Variants in MACROD2 observed in about 807,000 individuals in gnomAD.
MACROD2 encodes mono-ADP ribosylhydrolase 2.
In MACROD2, 36 loss-of-function variants were observed where a neutral mutation model predicts 70.4. The ratio of observed to expected loss-of-function variants is 0.51; its 90% CI spans 0.39 to 0.68. The LOEUF is 0.68. MACROD2 is among the 30% of genes least tolerant of loss of function. The pLI, the probability that MACROD2 is intolerant of heterozygous loss-of-function variation, is 0.00. For missense variants in MACROD2, 496 were observed against 538.4 expected (o/e 0.92, Z 0.78); for synonymous variants, 172 against 178.8 (o/e 0.96, Z 0.30).
intron 5 of MACROD2, among the ~76,000 whole-genome samples, chr20:15,185,514 C>A (rs1705877968): frequency 6.6e-6 from 1 of 152,076 alleles, no homozygotes; most frequent in South Asian, 2.1e-4. Context: ...AGTTTCAAGG[C>A]AATTATGTCA....
At chr20:14,114,236 T>C (rs2054488349) in intron 3 of MACROD2, among the ~76,000 whole-genome samples, 1 of 152,174 alleles carries the variant, frequency 6.6e-6, no homozygotes. Flanking sequence ...GCTCACATTC[T>C]GACTCTGTTT....
chr20:14,462,915 C>G (rs968181647), intron 3 of MACROD2, among the ~76,000 whole-genome samples: 1 of 151,988 alleles, frequency 6.6e-6, no homozygotes, highest in African/African-American at 2.4e-5. Context: ...GGTACCAGTA[C>G]CATGCTGTTT....
intron 6 of MACROD2, among the ~76,000 whole-genome samples, chr20:15,348,083 T>C (rs1433972108): frequency 6.6e-6 from 1 of 152,190 alleles, no homozygotes; most frequent in Non-Finnish European, 1.5e-5. Context: ...TATGTGATAG[T>C]GTTCTGGCCA....
At chr20:15,374,061 T>C (rs1354056590) in intron 6 of MACROD2, among the ~76,000 whole-genome samples, 1 of 152,148 alleles carries the variant, frequency 6.6e-6, no homozygotes, top group African/African-American at 2.4e-5. Context: ...TCAGTCATTG[T>C]TGCCTTTATC....
intron 8 of MACROD2, among the ~76,000 whole-genome samples, chr20:15,792,292 A>T (rs2063631280): frequency 6.6e-6 from 1 of 152,152 alleles, no homozygotes; most frequent in Non-Finnish European, 1.5e-5. Flanking sequence ...AATTTATTTA[A>T]AATTTTGGAA....
chr20:14,553,697 T>G (rs970498019), intron 4 of MACROD2, among the ~76,000 whole-genome samples: 8 of 152,134 alleles, frequency 5.3e-5, no homozygotes, highest in Non-Finnish European at 1.2e-4. Context: ...AGTCCATCAA[T>G]GATCAAAATG....
At chr20:14,981,022 G>A (rs1007483974) in intron 5 of MACROD2, among the ~76,000 whole-genome samples, 2 of 93,460 alleles carry the variant, frequency 2.1e-5, no homozygotes, top group Non-Finnish European at 3.9e-5. Context: ...ACAAAAAGAA[G>A]TGTGTGTGTG....
At chr20:15,379,378 T>G (rs1398811419) in intron 6 of MACROD2, among the ~76,000 whole-genome samples, 1 of 152,166 alleles carries the variant, frequency 6.6e-6, no homozygotes, top group African/African-American at 2.4e-5. Flanking sequence ...TCACATAGTT[T>G]GACCTAATAT....
chr20:15,758,117 A>G (rs543044577), intron 8 of MACROD2, among the ~76,000 whole-genome samples: 415 of 152,082 alleles, frequency 2.7e-3, no homozygotes, highest in Non-Finnish European at 4.5e-3. Flanking sequence ...TTGTAAGCAA[A>G]TAATTGTTGG....
intron 5 of MACROD2, among the ~76,000 whole-genome samples, chr20:14,811,735 A>G (rs947266061): frequency 3.3e-5 from 5 of 151,376 alleles, no homozygotes; most frequent in Admixed American, 1.3e-4. Flanking sequence ...AATTTACAAG[A>G]AAAAAAACAA....
At chr20:14,230,304 C>CA (rs1450810161) in intron 3 of MACROD2, among the ~76,000 whole-genome samples, 3 of 152,126 alleles carry the variant, frequency 2.0e-5, no homozygotes, top group African/African-American at 7.2e-5. Flanking sequence ...TCAGTCCTCT[C>CA]AAACAGTACC....
At chr20:14,273,309 G>T (rs1359702297) in intron 3 of MACROD2, among the ~76,000 whole-genome samples, 1 of 151,888 alleles carries the variant, frequency 6.6e-6, no homozygotes, top group African/African-American at 2.4e-5. Flanking sequence ...AGACCACAGT[G>T]CAATCAAACT....
chr20:15,310,087 C>A (rs2077736206), intron 6 of MACROD2, among the ~76,000 whole-genome samples: 1 of 152,154 alleles, frequency 6.6e-6, no homozygotes, highest in Admixed American at 6.5e-5. Context: ...GTCTTTCTAA[C>A]CCTGTATTAT....
At chr20:15,131,271 G>A (rs2076102860) in intron 5 of MACROD2, among the ~76,000 whole-genome samples, 1 of 152,082 alleles carries the variant, frequency 6.6e-6, no homozygotes, top group African/African-American at 2.4e-5. Flanking sequence ...GACACATTAT[G>A]TTTCAGGGGA....
At chr20:14,817,176 T>C (rs1369012952) in intron 5 of MACROD2, among the ~76,000 whole-genome samples, 1 of 152,128 alleles carries the variant, frequency 6.6e-6, no homozygotes, top group African/African-American at 2.4e-5. Context: ...AGAATTCTTA[T>C]CCAATGTACT....
intron 8 of MACROD2, among the ~76,000 whole-genome samples, chr20:15,758,292 G>A (rs1428158384): frequency 2.1e-5 from 3 of 142,402 alleles, no homozygotes; most frequent in East Asian, 2.1e-4. Flanking sequence ...AGGCTGGAGT[G>A]TAGTGGCGGG....
At chr20:14,518,051 A>G (rs1210037660) in intron 4 of MACROD2, among the ~76,000 whole-genome samples, 1 of 152,122 alleles carries the variant, frequency 6.6e-6, no homozygotes, top group Non-Finnish European at 1.5e-5. Context: ...GTTACTGGAA[A>G]ACATTGACGT....
At chr20:15,113,316 T>A (rs2075969296) in intron 5 of MACROD2, among the ~76,000 whole-genome samples, 1 of 152,150 alleles carries the variant, frequency 6.6e-6, no homozygotes, top group African/African-American at 2.4e-5. Flanking sequence ...CAATGCCATA[T>A]GTAGCTGATC....
chr20:14,970,413 T>A (rs2423884), intron 5 of MACROD2, among the ~76,000 whole-genome samples: 34,177 of 151,984 alleles, frequency 0.22, 5,244 homozygotes, highest in African/African-American at 0.4. Context: ...CAAGCTACTT[T>A]AAAAAAGGAA....
Sources: allele counts gnomAD v4.1 joint callset (sites outside exome capture counted in the v4.1 genomes callset), GRCh38; gene constraint gnomAD v4.1.1; transcripts MANE v1.5; gene names NCBI Gene and HGNC (gene_info 2026-07-23, HGNC 2026-07-21).